PRPF39: variants seen among roughly 807,000 people sequenced by gnomAD.
The protein encoded by PRPF39 is pre-mRNA-processing factor 39.
PRPF39 carries 27 observed loss-of-function variants against 82.1 expected under a neutral mutation model. The observed-to-expected ratio is 0.33, with a 90% CI of 0.24 to 0.45. The LOEUF is 0.45. Among genes scored for constraint, PRPF39 ranks in the 20% least tolerant of loss-of-function variants. The pLI, the probability that PRPF39 is intolerant of heterozygous loss-of-function variation, is 1.00. For missense variants in PRPF39, 581 were observed against 796.9 expected (o/e 0.73, Z 3.26); for synonymous variants, 261 against 256.4 (o/e 1.02, Z -0.17).
At chr14:45,111,279 T>G (rs1262763140) in intron 10 of PRPF39, among the ~76,000 whole-genome samples, 1 of 152,176 alleles carries the variant, frequency 6.6e-6, no homozygotes, top group East Asian at 1.9e-4. Context: ...GTTTTAGGAT[T>G]TTAGTTATTG....
intron 7 of PRPF39, among the ~76,000 whole-genome samples, chr14:45,109,065 ACCT>A (rs1163243971): frequency 6.6e-6 from 1 of 151,992 alleles, no homozygotes; most frequent in Non-Finnish European, 1.5e-5. Context: ...CACTACCCCT[ACCT>A]CCTCAGCTGC....
At chr14:45,106,380 G>T (rs1278364269) in intron 5 of PRPF39, among the ~76,000 whole-genome samples, 1 of 151,548 alleles carries the variant, frequency 6.6e-6, no homozygotes, top group East Asian at 1.9e-4. Context: ...AATACTGAGG[G>T]TATTCATTTT....
chr14:45,091,960 T>A (rs764574793), intron 1 of PRPF39, among the ~76,000 whole-genome samples: 4 of 152,218 alleles, frequency 2.6e-5, no homozygotes, highest in Non-Finnish European at 5.9e-5. Context: ...TAGAGCTTGA[T>A]GATGTCAAGG....
At position 45,114,685 on chromosome 14, in the gene PRPF39, T is replaced by A. The variant is rs538029896; in HGVS notation, c.1953+71T>A. On this transcript the variant is annotated intron_variant, in intron 13 of 13. Coordinates refer to ENST00000355765, the MANE Select transcript of PRPF39 (RefSeq NM_017922.4). The stretch of plus-strand genomic sequence containing the variant: ...ATAAATTAGGATAGTTTCTTTTTTT[T>A]TAAAAAAAGTTTTTGTTCCAATTGT... 86 of 1,527,500 alleles carry A rather than the reference T, an allele frequency of 5.6e-5. No homozygotes were observed. The African/African-American group carries it at 9.9e-4, about 18-fold the overall frequency. The allele number at this position is 1,527,500 out of a possible 1,614,324, so 94.6% of individuals were successfully genotyped here. A position where few individuals can be genotyped will look rare whatever the true frequency, so the allele number is the denominator to read the frequency against.
chr14:45,112,143 G>A (rs751400109), intron 10 of PRPF39, among the ~76,000 whole-genome samples, 175 bp from the exon 11 acceptor site: 4 of 152,114 alleles, frequency 2.6e-5, no homozygotes, highest in Non-Finnish European at 5.9e-5. Flanking sequence ...TCATCAGTGT[G>A]TTAATGAATT....
At chr14:45,104,956 T>C (rs1157714244) in intron 5 of PRPF39, among the ~76,000 whole-genome samples, 1 of 152,242 alleles carries the variant, frequency 6.6e-6, no homozygotes, top group Admixed American at 6.5e-5. Flanking sequence ...TATACTGAGA[T>C]ACCTAGTCTG....
chr14:45,096,556 G>A, intron 3 of PRPF39: 1 of 1,432,934 alleles, frequency 7.0e-7, no homozygotes, highest in South Asian at 1.2e-5. Context: ...TAGTTGGTTT[G>A]CTAGTCACAT....
chr14:45,100,217 G>A (rs1362620252), intron 4 of PRPF39, among the ~76,000 whole-genome samples: 1 of 151,772 alleles, frequency 6.6e-6, no homozygotes, highest in African/African-American at 2.4e-5. Context: ...GTGACAGAGC[G>A]AGACCCTGTC....
At chr14:45,107,883 G>A (rs1253859266) in intron 6 of PRPF39, among the ~76,000 whole-genome samples, 1 of 151,862 alleles carries the variant, frequency 6.6e-6, no homozygotes, top group African/African-American at 2.4e-5. Flanking sequence ...GAGCTAAGAT[G>A]GCACCACTGC....
rs374762145 is a variant in PRPF39 at position 45,107,580 on chromosome 14, A to G, written c.867A>G (p.Leu289=). The change falls in exon 6 of 14, where the codon CTA becomes CTG. Residue 289 remains leucine (L), a synonymous_variant. Transcript: ENST00000355765. ...SGDDGPPGDD[L]PSGIEDITDP... ...ATGATGGTCCTCCTGGTGATGATCT[A>G]CCATCGGGAATTGAAGACATAACCG... The G allele has an allele frequency of 1.0e-4, 161 of 1,552,560 alleles. No homozygotes were observed. Among genetic ancestry groups the G allele is most frequent in the Admixed American group, 9.4e-4 (48 of 51,012 alleles).
At chr14:45,112,746 C>A (rs551463607) in intron 11 of PRPF39, among the ~76,000 whole-genome samples, 141 of 152,252 alleles carry the variant, frequency 9.3e-4, no homozygotes, top group African/African-American at 3.2e-3. Flanking sequence ...ACAATTTAAA[C>A]CATGACTGAA....
At chr14:45,091,466 T>C (rs983348974) in intron 1 of PRPF39, among the ~76,000 whole-genome samples, 3 of 152,198 alleles carry the variant, frequency 2.0e-5, no homozygotes, top group African/African-American at 7.2e-5. Context: ...ATGATGGAAA[T>C]GTTTTAGAAT....
At chr14:45,105,525 C>CTTTTT (rs201816309) in intron 5 of PRPF39, among the ~76,000 whole-genome samples, 1 of 133,442 alleles carries the variant, frequency 7.5e-6, no homozygotes, top group Non-Finnish European at 1.6e-5. Flanking sequence ...TATTTATATA[C>CTTTTT]TTTTTTTTTT....
At chr14:45,103,671 G>A (rs1451924542) in intron 5 of PRPF39, among the ~76,000 whole-genome samples, 1 of 152,090 alleles carries the variant, frequency 6.6e-6, no homozygotes, top group Non-Finnish European at 1.5e-5. Flanking sequence ...TGAAATAGAG[G>A]AAGCAGGCAG....
intron 1 of PRPF39, among the ~76,000 whole-genome samples, chr14:45,087,808 C>A (rs1398565171): frequency 6.9e-6 from 1 of 144,534 alleles, no homozygotes. Context: ...AGGATGGTCT[C>A]TATCTCCTGA....
chr14:45,092,472 G>A (rs145792754), intron 1 of PRPF39, among the ~76,000 whole-genome samples: 2,876 of 151,914 alleles, frequency 0.019, 33 homozygotes, highest in African/African-American at 0.038. Flanking sequence ...ATGGTGGTGC[G>A]TGCCTGTAGT....
At chr14:45,105,525 C>CTTT (rs201816309) in intron 5 of PRPF39, among the ~76,000 whole-genome samples, 4 of 133,438 alleles carry the variant, frequency 3.0e-5, no homozygotes, top group Non-Finnish European at 4.9e-5. Flanking sequence ...TATTTATATA[C>CTTT]TTTTTTTTTT....
chr14:45,115,960 A>T lies in PRPF39; in HGVS notation c.*1047A>T. The stretch of plus-strand genomic sequence containing the variant: ...TAAGTTTACAACATGAGGTAAAAGG[A>T]AAAAGTTCTCCTTGACCAGTATTTT... On this transcript the variant is annotated 3_prime_UTR_variant, in exon 14 of 14. Transcript: ENST00000355765. 2.2e-6 allele frequency: 1 copy of T among 447,940 alleles called. No homozygotes were observed. Among genetic ancestry groups the T allele is most frequent in the Non-Finnish European group, 4.1e-6 (1 of 244,730 alleles). 27.7% of individuals were successfully genotyped at this position (447,940 alleles called of 1,614,324 possible).
intron 1 of PRPF39, among the ~76,000 whole-genome samples, chr14:45,090,156 T>C (rs1476760293): frequency 6.6e-6 from 1 of 152,204 alleles, no homozygotes; most frequent in Admixed American, 6.5e-5. Context: ...TAGTGACTAA[T>C]TTGCATTTGG....
Sources: gnomAD v4.1 joint callset for allele counts (sites outside exome capture counted in the v4.1 genomes callset) on GRCh38, gnomAD v4.1.1 for gene constraint, MANE v1.5 for transcripts, NCBI Gene and HGNC (gene_info 2026-07-23, HGNC 2026-07-21) for gene names.